Variants in SIL1 observed in about 807,000 individuals in gnomAD.
SIL1 encodes nucleotide exchange factor SIL1.
SIL1 carries 40 observed loss-of-function variants against 49.1 expected under a neutral mutation model. That is an observed-to-expected ratio of 0.81 (90% CI 0.63 to 1.06). The LOEUF (loss-of-function observed/expected upper bound fraction) is 1.06, where lower values mean the gene tolerates loss of function less well. Ranked by LOEUF, SIL1 falls within the 50% of genes least tolerant of loss-of-function variation. The pLI is 0.00. For missense variants in SIL1, 500 were observed against 572.6 expected, an observed-to-expected ratio of 0.87 and a Z score of 1.29; for synonymous variants, 253 against 250.8, an observed-to-expected ratio of 1.01 and a Z score of -0.08.
chr5:139,066,516 T>C (rs778391036), intron 3 of SIL1, among the ~76,000 whole-genome samples: 1 of 151,776 alleles, frequency 6.6e-6, no homozygotes, highest in Non-Finnish European at 1.5e-5. Flanking sequence ...GTTTTATACA[T>C]TATCTTTCCA....
intron 1 of SIL1, among the ~76,000 whole-genome samples, chr5:139,151,628 AAC>A (rs1751303298): frequency 6.6e-6 from 1 of 152,230 alleles, no homozygotes; most frequent in African/African-American, 2.4e-5. Flanking sequence ...ACAAGGGGAA[AAC>A]ACAGATTCAC....
chr5:139,105,379 C>T (rs1051524737), intron 3 of SIL1, among the ~76,000 whole-genome samples: 3 of 152,146 alleles, frequency 2.0e-5, no homozygotes, highest in Non-Finnish European at 4.4e-5. Flanking sequence ...GAAACTGTAT[C>T]ATCGCAGTGT....
chr5:139,068,817 G>C (rs1159636639), intron 3 of SIL1, among the ~76,000 whole-genome samples: 1 of 151,938 alleles, frequency 6.6e-6, no homozygotes, highest in Non-Finnish European at 1.5e-5. Flanking sequence ...ATAAAAAGAA[G>C]AAGAAAGAAA....
At chr5:139,016,098 T>TA (rs200149735) in intron 7 of SIL1, among the ~76,000 whole-genome samples, 21 of 150,712 alleles carry the variant, frequency 1.4e-4, no homozygotes, top group East Asian at 3.9e-4. Flanking sequence ...ACCCTGTCTC[T>TA]AAAAAAAAAC....
chr5:139,112,607 G>A (rs1212238480), intron 3 of SIL1, among the ~76,000 whole-genome samples: 10 of 150,898 alleles, frequency 6.6e-5, no homozygotes, highest in South Asian at 2.1e-4. Flanking sequence ...GTCTCCGCCC[G>A]GCAGCCAACC....
In SIL1 at chr5:139,030,793, C is replaced by T. The variant is rs560970600; in HGVS notation, c.454-3801G>A. Among the ~76,000 whole-genome samples the T allele has an allele frequency of 1.4e-4, 22 of 152,028 alleles. No homozygotes were observed. In the South Asian group the frequency reaches 1.7e-3, roughly 12 times the overall value. ...GATTGCAGGTGTGAGCCATTGTGCC[C>T]GGCATAATTCTAAATGTTTCTAATG... On this transcript the variant is annotated intron_variant, in intron 5 of 9. Coordinates refer to ENST00000394817, the MANE Select transcript of SIL1 (RefSeq NM_022464.5).
rs186766278 is a variant in SIL1 at position 138,958,036 on chromosome 5, G to A, written c.768-6152C>T. Among the ~76,000 whole-genome samples the A allele has an allele frequency of 4.0e-5, 6 of 151,722 alleles. No homozygotes were observed. In the East Asian group the frequency reaches 7.8e-4, roughly 20 times the overall value. ...GGCCTCCTAAAACGTTGGGATTACCGGCATGAGCCACTGCACAGAGCCCTC... is the reference window on the plus strand; with the variant it reads ...GGCCTCCTAAAACGTTGGGATTACCAGCATGAGCCACTGCACAGAGCCCTC... On this transcript the variant is annotated intron_variant, in intron 7 of 9. Coordinates refer to ENST00000394817, the MANE Select transcript of SIL1 (RefSeq NM_022464.5).
In SIL1 at chr5:139,050,929, A is replaced by T; in HGVS notation, c.353+9T>A. ...CTTAGCCTCCCAGTCCCTAGGGTTG[A>T]CACTGTACCTTTTGCCTTTCAAATT... On this transcript the variant is annotated intron_variant, in intron 4 of 9. Transcript: ENST00000394817. 1 of 1,610,740 alleles carries T rather than the reference A, an allele frequency of 6.2e-7. No homozygotes were observed. Among genetic ancestry groups the T allele is most frequent in the Non-Finnish European group, 8.5e-7 (1 of 1,176,858 alleles).
chr5:139,072,681 C>T (rs1294982092), intron 3 of SIL1, among the ~76,000 whole-genome samples: 1 of 152,096 alleles, frequency 6.6e-6, no homozygotes, highest in African/African-American at 2.4e-5. Flanking sequence ...CCCCTAAAAG[C>T]ACAGGCATCA....
At chr5:138,976,207 C>T (rs2150395944) in intron 7 of SIL1, among the ~76,000 whole-genome samples, 1 of 152,284 alleles carries the variant, frequency 6.6e-6, no homozygotes, top group South Asian at 2.1e-4. Context: ...ATGCCCATAC[C>T]TCTGCCTCCA....
intron 5 of SIL1, among the ~76,000 whole-genome samples, chr5:139,028,357 G>C (rs1034990152): frequency 1.3e-5 from 2 of 152,030 alleles, no homozygotes; most frequent in Non-Finnish European, 2.9e-5. Flanking sequence ...AATTAGCCGG[G>C]CATGGTGGCT....
rs1292705457 is a variant in SIL1, at chr5:139,048,381, T to TG, written c.353+2556_353+2557insC. On this transcript the variant is annotated intron_variant, in intron 4 of 9. Coordinates refer to ENST00000394817, the MANE Select transcript of SIL1 (RefSeq NM_022464.5). ...TTTTTTGTTGTTGGTTTTTTTTTTT[T>TG]TTTTTTTTTTTTGAGACAGGGTCTG... 4.6e-4 allele frequency among the ~76,000 whole-genome samples: 63 copies of TG among 136,950 alleles called. No homozygotes were observed. The South Asian group carries it at 7.7e-3, about 17-fold the overall frequency. 89.8% of individuals were successfully genotyped at this position (136,950 alleles called of 152,430 possible).
intron 5 of SIL1, among the ~76,000 whole-genome samples, chr5:139,027,225 C>T (rs1029512410): frequency 4.6e-5 from 7 of 152,200 alleles, no homozygotes; most frequent in African/African-American, 1.7e-4. Flanking sequence ...TTCCAAGATT[C>T]GCTTATTCAA....
chr5:139,017,777 T>C (rs1301575558), intron 7 of SIL1, among the ~76,000 whole-genome samples: 2 of 152,140 alleles, frequency 1.3e-5, no homozygotes, highest in East Asian at 3.9e-4. Flanking sequence ...CACAAAGCCT[T>C]TTCGAGACTC....
chr5:139,104,045 T>C (rs894107519), intron 3 of SIL1, among the ~76,000 whole-genome samples: 2 of 152,194 alleles, frequency 1.3e-5, no homozygotes, highest in South Asian at 4.1e-4. Flanking sequence ...CAACAAGTGC[T>C]TCCTATTGGC....
At chr5:138,981,213 CAAAAAA>C (rs35272334) in intron 7 of SIL1, among the ~76,000 whole-genome samples, 3 of 113,538 alleles carry the variant, frequency 2.6e-5, no homozygotes, top group African/African-American at 6.7e-5. Flanking sequence ...ACTCTGTCTC[CAAAAAA>C]AAAAAAAAAA....
At chr5:139,003,029 A>C (rs1768022556) in intron 7 of SIL1, among the ~76,000 whole-genome samples, 1 of 152,134 alleles carries the variant, frequency 6.6e-6, no homozygotes. Context: ...CTAGAGGTGG[A>C]AACAATAACA....
chr5:139,093,514 G>A (rs1314730330), intron 3 of SIL1, among the ~76,000 whole-genome samples: 1 of 152,134 alleles, frequency 6.6e-6, no homozygotes, highest in African/African-American at 2.4e-5. Flanking sequence ...CCATACCCTG[G>A]CCATTGCGCT....
Position 139,089,882 on chromosome 5 carries a change from C to T in SIL1, c.244+31153G>A, listed in dbSNP as rs1050609776. 7.2e-5 allele frequency among the ~76,000 whole-genome samples: 11 copies of T among 152,224 alleles called. No homozygotes were observed. The East Asian group carries it at 1.3e-3, about 19-fold the overall frequency. ...AAAATGTTTTCGGATTAAATAGAAGCGGTGATTGCACAACATAATGAATGT... is the reference window on the plus strand; with the variant it reads ...AAAATGTTTTCGGATTAAATAGAAGTGGTGATTGCACAACATAATGAATGT... On this transcript the variant is annotated intron_variant, in intron 3 of 9. Coordinates refer to ENST00000394817, the MANE Select transcript of SIL1 (RefSeq NM_022464.5).
Sources: allele counts gnomAD v4.1 joint callset (sites outside exome capture counted in the v4.1 genomes callset), GRCh38; gene constraint gnomAD v4.1.1; transcripts MANE v1.5; gene names NCBI Gene and HGNC (gene_info 2026-07-23, HGNC 2026-07-21).